The following RERGL variants were observed in gnomAD, a reference collection of about 807,000 sequenced individuals.
RERGL encodes the protein ras-related and estrogen-regulated growth inhibitor-like protein.
Under a neutral mutation model 24.7 loss-of-function variants are expected in RERGL, and 22 were observed. The ratio of observed to expected loss-of-function variants is 0.89; its 90% CI spans 0.64 to 1.27. The LOEUF (loss-of-function observed/expected upper bound fraction) is 1.27. Ranked by LOEUF, RERGL falls within the 50% of genes most tolerant of loss-of-function variation. RERGL has a pLI of 0.00. For synonymous variants in RERGL, 76 were observed against 82.6 expected, an observed-to-expected ratio of 0.92 and a Z score of 0.43; for missense variants, 259 against 235.3, an observed-to-expected ratio of 1.10 and a Z score of -0.66.
chr12:18,089,205 C>A, intron 1 of RERGL: 1 of 1,592,974 alleles, frequency 6.3e-7, no homozygotes, highest in Non-Finnish European at 8.6e-7. Context: ...TAATTCATTA[C>A]CACAAAAACA....
Position 18,089,457 on chromosome 12 carries a change from G to GTTA in RERGL, c.53-504_53-502dup, listed in dbSNP as rs752823107. On this transcript the variant is annotated intron_variant, in intron 1 of 4. Coordinates refer to ENST00000538724, the MANE Select transcript of RERGL (RefSeq NM_001286201.2). ...ATGTCACAGCTCCTGGGTTTGGCCA[G>GTTA]TTAAGATGCTATGATTCTTTAGGCT... 4.1e-4 allele frequency: 421 copies of GTTA among 1,027,546 alleles called. 1 individual carries two copies. The highest frequency in any genetic ancestry group is 5.1e-4 in the Non-Finnish European group (393 of 776,334). 63.7% of individuals were successfully genotyped at this position (1,027,546 alleles called of 1,614,324 possible).
intron 2 of RERGL, among the ~76,000 whole-genome samples, chr12:18,087,734 G>T (rs1427172668): frequency 2.6e-5 from 4 of 152,060 alleles, no homozygotes; most frequent in Admixed American, 6.5e-5. Flanking sequence ...TATTTGGATA[G>T]CATATCGTTC....
intron 4 of RERGL, among the ~76,000 whole-genome samples, 198 bp downstream of exon 4, chr12:18,084,319 T>C (rs1447713652): frequency 6.6e-6 from 1 of 152,150 alleles, no homozygotes; most frequent in Non-Finnish European, 1.5e-5. Context: ...CAAGTAACTG[T>C]TTATGTCAGC....
chr12:18,089,353 C>T, intron 1 of RERGL: 1 of 1,452,956 alleles, frequency 6.9e-7, no homozygotes, highest in Non-Finnish European at 9.1e-7. Context: ...AAGACACTAC[C>T]AAGTATTTGC....
intron 1 of RERGL, 112 bp from the exon 2 acceptor site, chr12:18,089,068 G>C: frequency 8.7e-7 from 1 of 1,155,916 alleles, no homozygotes. Context: ...AATTAATAAA[G>C]ACTTTAAAAT....
intron 1 of RERGL, among the ~76,000 whole-genome samples, chr12:18,089,813 A>G (rs1382347329): frequency 6.6e-6 from 1 of 152,090 alleles, no homozygotes; most frequent in Non-Finnish European, 1.5e-5. Context: ...TATTCCTATG[A>G]ATTGTAAACA....
At chr12:18,086,078 T>G (rs1354459134) in intron 2 of RERGL, among the ~76,000 whole-genome samples, 1 of 149,912 alleles carries the variant, frequency 6.7e-6, no homozygotes, top group Non-Finnish European at 1.5e-5. Context: ...TTTCACCGTG[T>G]TAGCCAGGAT....
chr12:18,085,601 G>A lies in RERGL; in HGVS notation c.183+19C>T, dbSNP rs760002003. The A allele has an allele frequency of 2.9e-6, 4 of 1,386,082 alleles. No individual in the cohort carries two copies. Among genetic ancestry groups the A allele is most frequent in the Admixed American group, 1.9e-5 (1 of 52,978 alleles). 85.9% of individuals were successfully genotyped at this position (1,386,082 alleles called of 1,614,324 possible). A position where few individuals can be genotyped will look rare whatever the true frequency, so the allele number is the denominator to read the frequency against. ...AATCAATAAATAAATCAATAAAAAA[G>A]GTGTTTTGTTTTACTTACTTGAGAA... On this transcript the variant is annotated intron_variant, in intron 3 of 4. Transcript: ENST00000538724.
Position 18,088,969 on chromosome 12 carries a change from C to T in RERGL, c.53-13G>A. The stretch of plus-strand genomic sequence containing the variant: ...CTCACTGTAAGGGCTGCAAAGCAAA[C>T]AATCTAGATTTAGGGCTGTTATATT... On this transcript the variant is annotated splice_polypyrimidine_tract_variant and intron_variant, in intron 1 of 4. Coordinates refer to ENST00000538724, the MANE Select transcript of RERGL (RefSeq NM_001286201.2). The T allele has an allele frequency of 6.2e-7, 1 of 1,602,128 alleles. No individual in the cohort carries two copies. The highest frequency in any genetic ancestry group is 1.1e-5 in the South Asian group (1 of 90,804).
chr12:18,084,458 C>T, intron 4 of RERGL, 59 bp downstream of exon 4: 1 of 1,499,170 alleles, frequency 6.7e-7, no homozygotes. Context: ...CCTAATGATG[C>T]TTACAGCTAT....
rs145085385 is a variant in RERGL, at chr12:18,082,421, A to C, written c.333-948T>G. Among the ~76,000 whole-genome samples the C allele has an allele frequency of 8.1e-4, 123 of 152,270 alleles. No homozygotes were observed. The East Asian group carries it at 0.021, about 26-fold the overall frequency. On this transcript the variant is annotated intron_variant, in intron 4 of 4. Transcript: ENST00000538724. ...ACCTGGGTGATGAAATAATCTGTAC[A>C]ACAAACCTCCATGACACACGTTTAC...
chr12:18,084,707 A>T, intron 3 of RERGL, 42 bp from the exon 4 acceptor site: 1 of 1,567,988 alleles, frequency 6.4e-7, no homozygotes, highest in Non-Finnish European at 8.6e-7. Context: ...GGGATCTAAT[A>T]CCTGTGTTTT....
rs1166022884 is a variant in RERGL, at chr12:18,090,087, AC to A, written c.52+1del. 3.9e-6 allele frequency: 6 copies of A among 1,532,370 alleles called. No individual in the cohort carries two copies. In the South Asian group the frequency reaches 6.0e-5, roughly 15 times the overall value. 94.9% of individuals were successfully genotyped at this position (1,532,370 alleles called of 1,614,324 possible). ...GATAACAGAGAAGATGTCACCACTC[AC>A]CAGATTTGCCTGTTCCTTCACCACC... On this transcript the variant is annotated splice_donor_variant, in intron 1 of 4. Coordinates refer to ENST00000538724, the MANE Select transcript of RERGL (RefSeq NM_001286201.2). LOFTEE classifies it high-confidence loss of function.
chr12:18,083,298 A>G (rs1947190226), intron 4 of RERGL, among the ~76,000 whole-genome samples: 2 of 152,120 alleles, frequency 1.3e-5, no homozygotes, highest in Admixed American at 1.3e-4. Context: ...TAAACTAGAA[A>G]TATTTCCTGA....
At chr12:18,083,826 G>A (rs1010211825) in intron 4 of RERGL, among the ~76,000 whole-genome samples, 2 of 152,080 alleles carry the variant, frequency 1.3e-5, no homozygotes, top group African/African-American at 2.4e-5. Flanking sequence ...TTTACAATCA[G>A]CATGTTGAGC....
intron 4 of RERGL, among the ~76,000 whole-genome samples, chr12:18,082,533 C>G (rs1028893311): frequency 1.3e-5 from 2 of 152,122 alleles, no homozygotes; most frequent in Admixed American, 6.6e-5. Context: ...AGAATTCTCA[C>G]AGAGGTTAAA....
At chr12:18,084,036 G>A (rs1947196244) in intron 4 of RERGL, among the ~76,000 whole-genome samples, 1 of 152,094 alleles carries the variant, frequency 6.6e-6, no homozygotes, top group Admixed American at 6.6e-5. Context: ...GTAAAATGGA[G>A]AAAAATGTAT....
At chr12:18,083,765 G>C (rs1947193745) in intron 4 of RERGL, among the ~76,000 whole-genome samples, 1 of 152,034 alleles carries the variant, frequency 6.6e-6, no homozygotes, top group Admixed American at 6.6e-5. Context: ...TACCAGATTA[G>C]AATACTATTT....
intron 2 of RERGL, among the ~76,000 whole-genome samples, chr12:18,087,085 T>A (rs1445059690): frequency 6.6e-6 from 1 of 152,216 alleles, no homozygotes; most frequent in Non-Finnish European, 1.5e-5. Context: ...ACCATCTCCA[T>A]TGCTAACACT....
Sources: allele counts gnomAD v4.1 joint callset (sites outside exome capture counted in the v4.1 genomes callset), GRCh38; gene constraint gnomAD v4.1.1; transcripts MANE v1.5; gene names NCBI Gene and HGNC (gene_info 2026-07-23, HGNC 2026-07-21).